Variants in FAM167A observed in about 807,000 individuals in gnomAD.
FAM167A encodes family with sequence similarity 167 member A.
FAM167A carries 23 observed loss-of-function variants against 14.9 expected under a neutral mutation model. The observed-to-expected ratio is 1.55, with a 90% CI of 1.11 to 2.19. The LOEUF is 2.19. Among genes scored for constraint, FAM167A ranks in the 30% most tolerant of loss-of-function variants. The pLI is 0.00. For synonymous variants in FAM167A, 174 were observed against 117.7 expected, an observed-to-expected ratio of 1.48 and a Z score of -3.10; for missense variants, 401 against 281.5, an observed-to-expected ratio of 1.42 and a Z score of -3.04.
intron 1 of FAM167A, among the ~76,000 whole-genome samples, chr8:11,472,982 C>G (rs114329387): frequency 0.011 from 1,701 of 152,312 alleles, 33 homozygotes; most frequent in African/African-American, 0.038. Flanking sequence ...GGTTTTGAGG[C>G]TGGGATGAGA....
At chr8:11,440,157 C>A (rs989106732) in intron 2 of FAM167A, among the ~76,000 whole-genome samples, 1 of 152,220 alleles carries the variant, frequency 6.6e-6, no homozygotes, top group African/African-American at 2.4e-5. Context: ...GAGCCAGTGT[C>A]CCAGGAGCAG....
chr8:11,433,587 C>T (rs1184075092), intron 2 of FAM167A, among the ~76,000 whole-genome samples: 1 of 152,112 alleles, frequency 6.6e-6, no homozygotes. Context: ...TGCACAGGGG[C>T]CAACCAGAGG....
At chr8:11,443,017 C>A (rs115243186) in intron 2 of FAM167A, among the ~76,000 whole-genome samples, 2,414 of 152,348 alleles carry the variant, frequency 0.016, 57 homozygotes, top group African/African-American at 0.055. Flanking sequence ...AGGCCTCAGC[C>A]TACCCAGCTG....
At chr8:11,424,700 C>G in intron 2 of FAM167A, 64 bp from the exon 3 acceptor site, 7 of 1,585,518 alleles carry the variant, frequency 4.4e-6, no homozygotes, top group East Asian at 2.3e-5. Context: ...CAGGCACAGA[C>G]TGGTTAGCAG....
chr8:11,457,475 G>C (rs1807380705), intron 1 of FAM167A, among the ~76,000 whole-genome samples: 3 of 151,944 alleles, frequency 2.0e-5, no homozygotes, highest in Admixed American at 2.0e-4. Flanking sequence ...CGCCTTCCTG[G>C]TGCTTCCGGA....
chr8:11,455,149 T>G (rs940601318), intron 1 of FAM167A, among the ~76,000 whole-genome samples: 1 of 144,774 alleles, frequency 6.9e-6, no homozygotes, highest in East Asian at 2.0e-4. Flanking sequence ...CGTGTGTGTG[T>G]GTGTGACTGT....
At chr8:11,454,761 G>A (rs954345202) in intron 1 of FAM167A, among the ~76,000 whole-genome samples, 15 of 152,176 alleles carry the variant, frequency 9.9e-5, no homozygotes, top group Non-Finnish European at 1.8e-4. Context: ...TTTTCTGCCC[G>A]GGTTTAATCA....
At chr8:11,443,975 A>G in intron 2 of FAM167A, 56 bp downstream of exon 2, 1 of 1,555,642 alleles carries the variant, frequency 6.4e-7, no homozygotes, top group Non-Finnish European at 8.7e-7. Context: ...AGAAAAAGAC[A>G]CAGAGAGACG....
Position 11,421,576 on chromosome 8 carries a change from G to A in FAM167A, c.*2797C>T, listed in dbSNP as rs937859940. The A allele has an allele frequency of 7.1e-5, 28 of 397,120 alleles. No individual in the cohort carries two copies. Among genetic ancestry groups the A allele is most frequent in the Admixed American group, 5.7e-4 (13 of 22,704 alleles). The allele number at this position is 397,120 out of a possible 1,614,324, so 24.6% of individuals were successfully genotyped here. On this transcript the variant is annotated 3_prime_UTR_variant, in exon 3 of 3. Transcript: ENST00000284486. ...ATCATAAAAAATAAAAGTATAAATC[G>A]TCCATTGATTATGTAATAGCACTTG...
chr8:11,445,233 G>A lies in FAM167A; in HGVS notation c.-397-425C>T, dbSNP rs189586878. 1,166 of 977,904 alleles carry A rather than the reference G, an allele frequency of 1.2e-3. 2 individuals carry two copies. The highest frequency in any genetic ancestry group is 1.3e-3 in the Non-Finnish European group (1,105 of 823,218). The allele number at this position is 977,904 out of a possible 1,614,324, so 60.6% of individuals were successfully genotyped here. A position where few individuals can be genotyped will look rare whatever the true frequency, so the allele number is the denominator to read the frequency against. ...GTCTTTCCTCTCTGTGGCAACAGCC[G>A]GGGGGTCCCCAGAGCCAGCCAGCAG... On this transcript the variant is annotated intron_variant, in intron 1 of 2. Coordinates refer to ENST00000284486, the MANE Select transcript of FAM167A (RefSeq NM_053279.3).
intron 2 of FAM167A, among the ~76,000 whole-genome samples, chr8:11,425,092 G>T (rs1252927675): frequency 6.6e-6 from 1 of 152,202 alleles, no homozygotes; most frequent in Non-Finnish European, 1.5e-5. Context: ...ACGCTGGGGA[G>T]TGTCATGTTG....
chr8:11,472,885 G>A (rs934612144), intron 1 of FAM167A, among the ~76,000 whole-genome samples: 7 of 152,272 alleles, frequency 4.6e-5, no homozygotes, highest in African/African-American at 1.7e-4. Flanking sequence ...CTGCTGGGCA[G>A]AGGCAGGAGG....
chr8:11,439,813 G>T (rs1460307585), intron 2 of FAM167A, among the ~76,000 whole-genome samples: 8 of 152,188 alleles, frequency 5.3e-5, no homozygotes, highest in Non-Finnish European at 1.5e-5. Context: ...GGTTGGCAAG[G>T]GGAACTTGTG....
intron 1 of FAM167A, chr8:11,445,379 C>G (rs1224850051): frequency 1.0e-6 from 1 of 985,840 alleles, no homozygotes; most frequent in African/African-American, 1.7e-5. Flanking sequence ...CCAGGTCTTA[C>G]TCTACGCTCC....
chr8:11,454,410 C>T (rs143762615), intron 1 of FAM167A, among the ~76,000 whole-genome samples: 7 of 152,352 alleles, frequency 4.6e-5, no homozygotes, highest in Non-Finnish European at 8.8e-5. Context: ...CTCCACTCTA[C>T]CTTGCCCTGA....
chr8:11,474,601 G>A (rs1406834061), intron 1 of FAM167A: 2 of 152,220 alleles, frequency 1.3e-5, no homozygotes, highest in Non-Finnish European at 2.9e-5. Flanking sequence ...ACCCAGAGAT[G>A]GGCTTACCTA....
In FAM167A at chr8:11,444,301, C is replaced by T. The variant is rs199694475; in HGVS notation, c.111G>A (p.Leu37=). ...LRSLKALTEK[L]RLETRRPSYL... ...AGGAGGGCCTGCGGGTCTCCAGCCTCAGTTTCTCGGTGAGGGCCTTCAGGC... is the reference window on the plus strand; with the variant it reads ...AGGAGGGCCTGCGGGTCTCCAGCCTTAGTTTCTCGGTGAGGGCCTTCAGGC... The change falls in exon 2 of 3, where the codon CTG becomes CTA. Residue 37 remains leucine, a synonymous_variant. Coordinates refer to ENST00000284486, the MANE Select transcript of FAM167A (RefSeq NM_053279.3). 4 of 1,612,238 alleles carry T rather than the reference C, an allele frequency of 2.5e-6. No homozygotes were observed. The African/African-American group carries it at 5.3e-5, about 21-fold the overall frequency.
At chr8:11,431,277 A>T (rs765596078) in intron 2 of FAM167A, among the ~76,000 whole-genome samples, 2 of 152,260 alleles carry the variant, frequency 1.3e-5, no homozygotes, top group Non-Finnish European at 2.9e-5. Context: ...ATGCTAAGTG[A>T]ATTAGCCAGA....
intron 1 of FAM167A, among the ~76,000 whole-genome samples, chr8:11,455,515 TGG>T (rs1470208839): frequency 8.7e-6 from 1 of 115,248 alleles, no homozygotes; most frequent in African/African-American, 3.3e-5. Context: ...TGTGAGTGTG[TGG>T]GGTGGTTGCC....
Sources: gnomAD v4.1 joint callset for allele counts (sites outside exome capture counted in the v4.1 genomes callset) on GRCh38, gnomAD v4.1.1 for gene constraint, MANE v1.5 for transcripts, NCBI Gene and HGNC (gene_info 2026-07-23, HGNC 2026-07-21) for gene names.